Variants in GCNT1 observed in about 807,000 individuals in gnomAD.
GCNT1 encodes glucosaminyl (N-acetyl) transferase 1.
Under a neutral mutation model 26.2 loss-of-function variants are expected in GCNT1, and 16 were observed. The observed-to-expected ratio is 0.61, with a 90% confidence interval of 0.41 to 0.93. The LOEUF (loss-of-function observed/expected upper bound fraction) is 0.93, where lower values mean the gene tolerates loss of function less well. GCNT1 is among the 40% of genes least tolerant of loss of function. GCNT1 has a pLI of 0.00. For synonymous variants in GCNT1, 183 were observed against 190.8 expected (o/e 0.96, Z 0.34); for missense variants, 477 against 526.7 (o/e 0.91, Z 0.92).
intron 3 of GCNT1, chr9:76,501,638 T>C (rs1202949574): frequency 6.6e-6 from 1 of 152,230 alleles, no homozygotes; most frequent in Non-Finnish European, 1.5e-5. Context: ...GAAAATTCTG[T>C]TGACTTGCCC....
chr9:76,404,840 CAG>C, the GCNT1 span, among the ~76,000 whole-genome samples: 1 of 148,678 alleles, frequency 6.7e-6, no homozygotes, highest in African/African-American at 2.5e-5. Flanking sequence ...TTTTTTTAAA[CAG>C]AGTCTTGCTC....
At chr9:76,495,785 A>AGAAAATGTTGGGT (rs1473459363) in intron 2 of GCNT1, among the ~76,000 whole-genome samples, 3 of 152,250 alleles carry the variant, frequency 2.0e-5, no homozygotes, top group African/African-American at 7.2e-5. Context: ...ATATAGCAGA[A>AGAAAATGTTGGGT]GAAAATGTTG....
At chr9:76,491,521 C>T (rs552555610) in intron 2 of GCNT1, among the ~76,000 whole-genome samples, 43 of 152,284 alleles carry the variant, frequency 2.8e-4, no homozygotes, top group Middle Eastern at 6.8e-3. Flanking sequence ...TTTTCCCTTT[C>T]CCAGTTTTAA....
intron 2 of GCNT1, among the ~76,000 whole-genome samples, chr9:76,486,052 T>C (rs1564241937): frequency 6.6e-6 from 1 of 152,246 alleles, no homozygotes; most frequent in Non-Finnish European, 1.5e-5. Context: ...TTTTTCTTAA[T>C]GGGCAGTAGA....
chr9:76,442,057 C>T (rs1355378107), exon 1 of GCNT1: 1 of 152,202 alleles, frequency 6.6e-6, no homozygotes, highest in Non-Finnish European at 1.5e-5. Context: ...AGAGACACCT[C>T]TCTTCACCAG....
chr9:76,416,975 A>G (rs957379709), upstream of GCNT1, among the ~76,000 whole-genome samples: 11 of 152,112 alleles, frequency 7.2e-5, no homozygotes, highest in Admixed American at 6.5e-4. Flanking sequence ...CAGGAGAATC[A>G]TTTGAACCTG....
At chr9:76,416,885 C>A (rs1398513170), upstream of GCNT1, among the ~76,000 whole-genome samples, 4 of 151,934 alleles carry the variant, frequency 2.6e-5, no homozygotes, top group Non-Finnish European at 5.9e-5. Flanking sequence ...ATGGTGAAAC[C>A]CTGTCTCTAC....
chr9:76,418,818 C>T (rs1823154093), upstream of GCNT1, among the ~76,000 whole-genome samples: 1 of 152,178 alleles, frequency 6.6e-6, no homozygotes, highest in Non-Finnish European at 1.5e-5. Flanking sequence ...GAAAGGCAGA[C>T]ATTGTTTTGT....
intron 2 of GCNT1, among the ~76,000 whole-genome samples, chr9:76,483,692 C>CGG (rs1447404988): frequency 6.6e-6 from 1 of 151,790 alleles, no homozygotes; most frequent in African/African-American, 2.4e-5. Flanking sequence ...CAAAGTGCTA[C>CGG]GATAACAGGC....
intron 1 of GCNT1, among the ~76,000 whole-genome samples, chr9:76,451,437 G>T (rs1272042039): frequency 6.6e-6 from 1 of 152,158 alleles, no homozygotes; most frequent in Admixed American, 6.5e-5. Flanking sequence ...CCTACATGGG[G>T]TGAGTCAGGG....
chr9:76,400,334 C>T, the GCNT1 span, among the ~76,000 whole-genome samples: 6 of 151,990 alleles, frequency 3.9e-5, 1 homozygote, highest in South Asian at 1.3e-3. Context: ...TACCAAGTCT[C>T]TCCCAATCCA....
chr9:76,447,528 A>G (rs1024019019), intron 1 of GCNT1, among the ~76,000 whole-genome samples: 1 of 152,158 alleles, frequency 6.6e-6, no homozygotes, highest in Non-Finnish European at 1.5e-5. Context: ...TACAGGCATG[A>G]GCCACTGTGC....
At chr9:76,475,391 G>A (rs906802927) in intron 2 of GCNT1, among the ~76,000 whole-genome samples, 1 of 152,176 alleles carries the variant, frequency 6.6e-6, no homozygotes, top group African/African-American at 2.4e-5. Flanking sequence ...ATATTCGCAG[G>A]AAGATTTGGG....
At chr9:76,413,656 TTTTTTTTTTTTG>T in the GCNT1 span, among the ~76,000 whole-genome samples, 5 of 92,464 alleles carry the variant, frequency 5.4e-5, no homozygotes, top group Non-Finnish European at 9.6e-5. Flanking sequence ...TTGTTTTGTT[TTTTTTTTTTTTG>T]TTTTTTTTTT....
chr9:76,399,497 T>C, the GCNT1 span: 1 of 1,591,792 alleles, frequency 6.3e-7, no homozygotes, highest in Non-Finnish European at 8.5e-7. Flanking sequence ...TACTGAAGAC[T>C]GGAGCGCTCA....
upstream of GCNT1, among the ~76,000 whole-genome samples, chr9:76,458,638 G>A (rs1038604899): frequency 2.0e-5 from 3 of 152,192 alleles, no homozygotes; most frequent in African/African-American, 7.2e-5. Flanking sequence ...TGCTATAAGG[G>A]CGGGGAAGGT....
At position 76,501,041 on chromosome 9, in the gene GCNT1, G is replaced by C. The variant is rs7467874; in HGVS notation, c.-164G>C. The stretch of plus-strand genomic sequence containing the variant: ...CCTGGAATCAGCACTAAGTGATTCA[G>C]ACTTTCCTTACTTTTAAATGGTAAA... On this transcript the variant is annotated 5_prime_UTR_variant, in exon 3 of 4. Coordinates refer to ENST00000376730, the MANE Select transcript of GCNT1 (RefSeq NM_001490.5). The C allele has an allele frequency of 1.3e-5, 2 of 152,200 alleles. No homozygotes were observed. The highest frequency in any genetic ancestry group is 2.9e-5 in the Non-Finnish European group (2 of 68,044). The allele number at this position is 152,200 out of a possible 1,614,324, so 9.4% of individuals were successfully genotyped here.
the GCNT1 span, among the ~76,000 whole-genome samples, chr9:76,414,424 A>G: frequency 2.6e-5 from 4 of 152,234 alleles, no homozygotes; most frequent in African/African-American, 9.6e-5. Flanking sequence ...GTCATGCAAG[A>G]AATAATTCAG....
At chr9:76,471,644 A>C (rs1178714165) in intron 2 of GCNT1, among the ~76,000 whole-genome samples, 1 of 151,764 alleles carries the variant, frequency 6.6e-6, no homozygotes, top group South Asian at 2.1e-4. Flanking sequence ...AACATGTATA[A>C]GTGGAAATTA....
Sources: allele counts gnomAD v4.1 joint callset (sites outside exome capture counted in the v4.1 genomes callset), GRCh38; gene constraint gnomAD v4.1.1; transcripts MANE v1.5; gene names NCBI Gene and HGNC (gene_info 2026-07-23, HGNC 2026-07-21).